The following GRIK3 variants were observed in gnomAD, a reference collection of about 807,000 sequenced individuals.
GRIK3 encodes the protein glutamate ionotropic receptor kainate type subunit 3, also known as glutamate receptor ionotropic, kainate 3.
Under a neutral mutation model 102.5 loss-of-function variants are expected in GRIK3, and 29 were observed. The ratio of observed to expected loss-of-function variants is 0.28; its 90% CI spans 0.21 to 0.39. GRIK3 has a LOEUF of 0.39. GRIK3 is among the 10% of genes least tolerant of loss of function. GRIK3 has a pLI of 1.00. For missense variants in GRIK3, 908 were observed against 1,252.4 expected (o/e 0.73, Z 4.15); for synonymous variants, 511 against 504.9 (o/e 1.01, Z -0.16).
At chr1:37,025,864 G>T (rs1420036907) in intron 1 of GRIK3, among the ~76,000 whole-genome samples, 5 of 152,230 alleles carry the variant, frequency 3.3e-5, no homozygotes, top group Non-Finnish European at 5.9e-5. Flanking sequence ...CTACCATTCA[G>T]CATGGCACCA....
At chr1:36,986,172 G>T (rs1410150000) in intron 1 of GRIK3, among the ~76,000 whole-genome samples, 2 of 152,136 alleles carry the variant, frequency 1.3e-5, no homozygotes, top group Non-Finnish European at 2.9e-5. Flanking sequence ...ATCCTAAGGA[G>T]CTGGATGCCC....
chr1:36,907,291 A>G (rs1641294107), intron 1 of GRIK3, among the ~76,000 whole-genome samples: 1 of 152,192 alleles, frequency 6.6e-6, no homozygotes, highest in Admixed American at 6.5e-5. Flanking sequence ...GACAAGGAGG[A>G]AGGCCTAAGA....
chr1:36,884,816 C>G (rs1485905586), intron 2 of GRIK3, among the ~76,000 whole-genome samples: 1 of 152,176 alleles, frequency 6.6e-6, no homozygotes, highest in Non-Finnish European at 1.5e-5. Flanking sequence ...CTTAGATTTC[C>G]TTCATTGATT....
intron 2 of GRIK3, among the ~76,000 whole-genome samples, chr1:36,881,720 A>G (rs1014320940): frequency 2.6e-5 from 4 of 152,100 alleles, no homozygotes; most frequent in Non-Finnish European, 4.4e-5. Context: ...TCCACAGTAT[A>G]AGGTAGATTA....
intron 3 of GRIK3, among the ~76,000 whole-genome samples, chr1:36,879,513 C>T (rs980463961): frequency 2.0e-5 from 3 of 152,140 alleles, no homozygotes; most frequent in African/African-American, 4.8e-5. Context: ...ATCTCCAGCT[C>T]CTAGCAATGA....
intron 1 of GRIK3, among the ~76,000 whole-genome samples, chr1:36,969,522 C>T (rs1642118892): frequency 6.6e-6 from 1 of 152,184 alleles, no homozygotes; most frequent in Non-Finnish European, 1.5e-5. Context: ...ATGTGCCAAG[C>T]CTGTTGCTAG....
intron 1 of GRIK3, among the ~76,000 whole-genome samples, chr1:36,901,848 A>G (rs1407354170): frequency 3.9e-5 from 6 of 152,208 alleles, no homozygotes; most frequent in Non-Finnish European, 8.8e-5. Flanking sequence ...AAAAGAGAAA[A>G]CTACCTCTTG....
intron 1 of GRIK3, among the ~76,000 whole-genome samples, chr1:37,001,197 T>C (rs1453037128): frequency 6.6e-6 from 1 of 152,154 alleles, no homozygotes; most frequent in East Asian, 1.9e-4. Context: ...AAAGACGAGC[T>C]CCCATGAGCC....
intron 1 of GRIK3, among the ~76,000 whole-genome samples, chr1:36,914,253 G>C (rs1027202244): frequency 6.6e-6 from 1 of 152,224 alleles, no homozygotes; most frequent in African/African-American, 2.4e-5. Context: ...ATGGAGAATG[G>C]ACACCTCTGG....
rs368835781 is a variant in GRIK3 at position 36,906,358 on chromosome 1, C to A, written c.116-15262G>T. 5.3e-5 allele frequency among the ~76,000 whole-genome samples: 8 copies of A among 152,204 alleles called. 1 individual carries two copies. The highest frequency in any genetic ancestry group is 1.7e-4 in the African/African-American group (7 of 41,516). On this transcript the variant is annotated intron_variant, in intron 1 of 15. Coordinates refer to ENST00000373091, the MANE Select transcript of GRIK3 (RefSeq NM_000831.4). ...CTCCGAGACTCAGTTTCTCCACCTG[C>A]AAGATGGGGTACACATCTCAGAGGG...
chr1:37,024,510 G>A (rs1206844973), intron 1 of GRIK3, among the ~76,000 whole-genome samples: 1 of 150,084 alleles, frequency 6.7e-6, no homozygotes, highest in African/African-American at 2.5e-5. Context: ...CTCTTGGGAG[G>A]CTGAAGCGGG....
At position 36,817,120 on chromosome 1, in the gene GRIK3, G is replaced by A. The variant is rs550770850; in HGVS notation, c.2031C>T (p.Ala677=). ...ESPIDSADDL[A]KQTKIEYGAV... ...CCCCATACTCGATTTTGGTTTGCTT[G>A]GCCAGGTCATCAGCAGAGTCAATGG... The change falls in exon 13 of 16, where the codon GCC becomes GCT. Residue 677 remains alanine, a synonymous_variant. Coordinates refer to ENST00000373091, the MANE Select transcript of GRIK3 (RefSeq NM_000831.4). The A allele has an allele frequency of 9.9e-6, 16 of 1,614,150 alleles. No individual in the cohort carries two copies. The South Asian group carries it at 1.2e-4, about 12-fold the overall frequency.
chr1:36,863,961 G>A (rs1024941954), intron 5 of GRIK3, among the ~76,000 whole-genome samples: 5 of 152,158 alleles, frequency 3.3e-5, no homozygotes, highest in African/African-American at 1.2e-4. Context: ...TCAAGGAAGG[G>A]CAGATGAAAA....
intron 1 of GRIK3, among the ~76,000 whole-genome samples, chr1:36,975,087 C>G (rs1642181543): frequency 6.6e-6 from 1 of 152,008 alleles, no homozygotes; most frequent in Non-Finnish European, 1.5e-5. Flanking sequence ...GATAGATGTA[C>G]AAGATTGTGA....
chr1:36,847,999 A>G (rs893587947), intron 9 of GRIK3, among the ~76,000 whole-genome samples: 4 of 152,158 alleles, frequency 2.6e-5, no homozygotes, highest in Non-Finnish European at 2.9e-5. Context: ...TGGGAATGCA[A>G]CCTCTGGGGA....
At chr1:36,803,218 T>G (rs1340858048) in intron 15 of GRIK3, among the ~76,000 whole-genome samples, 1 of 152,032 alleles carries the variant, frequency 6.6e-6, no homozygotes, top group Non-Finnish European at 1.5e-5. Context: ...GACCAGAAGA[T>G]GTCAAGAACA....
intron 1 of GRIK3, among the ~76,000 whole-genome samples, chr1:36,989,208 A>G (rs547301618): frequency 4.6e-5 from 7 of 152,268 alleles, no homozygotes; most frequent in South Asian, 2.1e-4. Flanking sequence ...ACACACACGC[A>G]TGCACATAAC....
chr1:36,985,898 G>T (rs1248691469), intron 1 of GRIK3, among the ~76,000 whole-genome samples: 2 of 152,112 alleles, frequency 1.3e-5, no homozygotes, highest in African/African-American at 4.8e-5. Context: ...AGCAATGAAG[G>T]GTGAGTGTGG....
At chr1:36,975,349 C>G (rs1255606392) in intron 1 of GRIK3, among the ~76,000 whole-genome samples, 1 of 137,198 alleles carries the variant, frequency 7.3e-6, no homozygotes, top group African/African-American at 2.9e-5. Flanking sequence ...CGAGTTAGTG[C>G]AGTGGCACGA....
Sources: allele counts gnomAD v4.1 joint callset (sites outside exome capture counted in the v4.1 genomes callset), GRCh38; gene constraint gnomAD v4.1.1; transcripts MANE v1.5; gene names NCBI Gene and HGNC (gene_info 2026-07-23, HGNC 2026-07-21).